Variants in PRODH observed in about 807,000 individuals in gnomAD.
PRODH encodes proline dehydrogenase 1, also known as proline dehydrogenase 1, mitochondrial.
For missense variants in PRODH, 3 were observed against 24.1 expected (o/e 0.12, Z 1.83); for synonymous variants, 3 against 10.4 (o/e 0.29, Z 1.37).
At chr22:18,933,696 G>A (rs1453106231) in intron 1 of PRODH, among the ~76,000 whole-genome samples, 1 of 132,128 alleles carries the variant, frequency 7.6e-6, no homozygotes, top group Non-Finnish European at 1.8e-5. Flanking sequence ...TAGAATTACA[G>A]GCATGAGCCA....
upstream of PRODH, chr22:18,936,510 GC>G (rs538153427): frequency 1.9e-3 from 30 of 15,874 alleles, no homozygotes; most frequent in African/African-American, 5.2e-3. Context: ...GCTTCTCAAA[GC>G]CTCTGCTCCT....
chr22:18,933,563 A>ACC (rs1193259522), intron 1 of PRODH, among the ~76,000 whole-genome samples: 2 of 118,936 alleles, frequency 1.7e-5, no homozygotes, highest in African/African-American at 5.8e-5. Context: ...GGCATGAGCC[A>ACC]CCGCACCTGG....
rs1297216622 is a variant in PRODH at position 18,918,071 on chromosome 22, G to C, written c.1427+245C>G. ...TGTTCATGCACATCTCTGGATCTAA[G>C]TGTCTGCAGGAGCAAGCTCAGGGAA... is the stretch of plus-strand genomic sequence containing the variant. On this transcript the variant is annotated intron_variant, in intron 11 of 13. Coordinates refer to ENST00000357068, the MANE Select transcript of PRODH (RefSeq NM_016335.6). Among the ~76,000 whole-genome samples the C allele has an allele frequency of 3.5e-5, 4 of 113,850 alleles. No homozygotes were observed. In the South Asian group the frequency reaches 1.1e-3, roughly 30 times the overall value. The allele number at this position is 113,850 out of a possible 152,430, so 74.7% of individuals were successfully genotyped here.
In PRODH at chr22:18,917,318, G is replaced by A. The variant is rs1244883054; in HGVS notation, c.1428-330C>T. ...GCCCATGAGCCTCATGACAGACACA[G>A]CTTTGCTTCTGGGGAGGGATCGTAC... On this transcript the variant is annotated intron_variant, in intron 11 of 13. Transcript: ENST00000357068. 5.5e-5 allele frequency among the ~76,000 whole-genome samples: 2 copies of A among 36,282 alleles called. 1 individual carries two copies. The highest frequency in any genetic ancestry group is 9.3e-5 in the African/African-American group (2 of 21,426). The allele number at this position is 36,282 out of a possible 152,430, so 23.8% of individuals were successfully genotyped here.
At chr22:18,929,510 A>C (rs899320029) in intron 2 of PRODH, among the ~76,000 whole-genome samples, 1 of 130,982 alleles carries the variant, frequency 7.6e-6, no homozygotes, top group Non-Finnish European at 1.8e-5. Flanking sequence ...CCCCACCCAG[A>C]CTCCTTCTGA....
intron 1 of PRODH, among the ~76,000 whole-genome samples, chr22:18,933,160 TTTTA>T (rs1224825503): frequency 3.4e-5 from 1 of 29,694 alleles, no homozygotes; most frequent in Non-Finnish European, 6.7e-5. Flanking sequence ...CTGGCAAGTT[TTTTA>T]TTTATTTATT....
rs555226347 is a variant in PRODH, at chr22:18,915,326, G to A, written c.1526+1564C>T. 33 of 37,846 alleles carry A rather than the reference G, an allele frequency of 8.7e-4. 8 individuals are homozygous for A. Among genetic ancestry groups the A allele is most frequent in the African/African-American group, 1.5e-3 (33 of 21,806 alleles). 2.3% of individuals were successfully genotyped at this position (37,846 alleles called of 1,614,324 possible). On this transcript the variant is annotated intron_variant, in intron 12 of 13. Coordinates refer to ENST00000357068, the MANE Select transcript of PRODH (RefSeq NM_016335.6). ...GCCCGGCTGCCACTCAGGGGAGGGG[G>A]AAGCTGTGTCCACTGGGGAAGCCAC...
chr22:18,914,692 C>T (rs967035471), intron 12 of PRODH: 1 of 2,036 alleles, frequency 4.9e-4, no homozygotes, highest in African/African-American at 7.4e-4. Context: ...GACTGCGGCT[C>T]CTCCCAGCAC....
chr22:18,933,284 CTT>C (rs752476710), intron 1 of PRODH, among the ~76,000 whole-genome samples: 18 of 99,430 alleles, frequency 1.8e-4, no homozygotes, highest in Non-Finnish European at 3.7e-4. Context: ...TTTATTTTTT[CTT>C]TTTTTTGAGG....
chr22:18,929,292 CCAG>C (rs1219954955), intron 2 of PRODH, among the ~76,000 whole-genome samples: 1 of 34,124 alleles, frequency 2.9e-5, no homozygotes, highest in Non-Finnish European at 7.7e-5. Context: ...ACAGCAGCCA[CCAG>C]CAGCAAGACA....
chr22:18,917,406 G>A lies in PRODH; in HGVS notation c.1428-418C>T, dbSNP rs904757589. 1.1e-4 allele frequency among the ~76,000 whole-genome samples: 4 copies of A among 34,978 alleles called. 2 individuals are homozygous for A. The highest frequency in any genetic ancestry group is 9.5e-4 in the Admixed American group (2 of 2,106). 22.9% of individuals were successfully genotyped at this position (34,978 alleles called of 152,430 possible). ...CAGGTCCCTGTAGGGCACAGTGGGG[G>A]TGGGCATCCCGGTGCACCAGGAAGC... On this transcript the variant is annotated intron_variant, in intron 11 of 13. Transcript: ENST00000357068.
intron 1 of PRODH, among the ~76,000 whole-genome samples, chr22:18,933,710 T>C (rs4819759): frequency 0.62 from 78,152 of 125,842 alleles, 29,764 homozygotes; most frequent in East Asian, 0.94. Flanking sequence ...TGAGCCACCA[T>C]GCCTAGGCAT....
chr22:18,933,378 C>A (rs1469845272), intron 1 of PRODH, among the ~76,000 whole-genome samples: 1 of 150,580 alleles, frequency 6.6e-6, no homozygotes, highest in Non-Finnish European at 1.5e-5. Context: ...CAGGTTCAAG[C>A]GATTCTCCCG....
At chr22:18,933,325 GA>G (rs1248878824) in intron 1 of PRODH, among the ~76,000 whole-genome samples, 1 of 141,706 alleles carries the variant, frequency 7.1e-6, no homozygotes, top group Non-Finnish European at 1.6e-5. Context: ...GCCCAGGCTG[GA>G]GTGCAGTAGC....
rs60647202 is a variant in PRODH, at chr22:18,917,098, C to G, written c.1428-110G>C. The G allele has an allele frequency of 6.2e-3, 753 of 120,902 alleles. 285 individuals carry two copies. The highest frequency in any genetic ancestry group is 0.019 in the African/African-American group (590 of 31,052). 7.5% of individuals were successfully genotyped at this position (120,902 alleles called of 1,614,324 possible). ...GGCAGACCCAGATCCATCCATTGAGCTGGCTCTTTCCAAGGGTATCCACAG... is the reference window on the plus strand; with the variant it reads ...GGCAGACCCAGATCCATCCATTGAGGTGGCTCTTTCCAAGGGTATCCACAG... On this transcript the variant is annotated intron_variant, in intron 11 of 13. Transcript: ENST00000357068.
At chr22:18,933,734 G>GT (rs2082002635) in intron 1 of PRODH, among the ~76,000 whole-genome samples, 2 of 132,962 alleles carry the variant, frequency 1.5e-5, no homozygotes, top group East Asian at 3.9e-4. Context: ...CCTAGGGCTT[G>GT]TAATTTTAAA....
chr22:18,917,848 A>G (rs145462448), intron 11 of PRODH, among the ~76,000 whole-genome samples: 2,029 of 31,020 alleles, frequency 0.065, 770 homozygotes, highest in African/African-American at 0.11. Context: ...CAACCAGGAG[A>G]CACTTGGGGT....
intron 11 of PRODH, 152 bp downstream of exon 11, chr22:18,918,164 G>T: frequency 8.4e-6 from 3 of 355,958 alleles, no homozygotes; most frequent in South Asian, 5.8e-5. Context: ...TAATGCTTTT[G>T]AAAAAGTAAC....
At position 18,918,043 on chromosome 22, in the gene PRODH, G is replaced by A. The variant is rs5747927; in HGVS notation, c.1427+273C>T. 0.046 allele frequency among the ~76,000 whole-genome samples: 4,758 copies of A among 102,394 alleles called. 466 individuals are homozygous for A. The highest frequency in any genetic ancestry group is 0.11 in the East Asian group (449 of 4,232). 67.2% of individuals were successfully genotyped at this position (102,394 alleles called of 152,430 possible). A position where few individuals can be genotyped will look rare whatever the true frequency, so the allele number is the denominator to read the frequency against. On this transcript the variant is annotated intron_variant, in intron 11 of 13. Transcript: ENST00000357068. ...CTGAGCCTGCAGGGTGGGGAGGACC[G>A]GGTGTTCATGCACATCTCTGGATCT...
Sources: allele counts gnomAD v4.1 joint callset (sites outside exome capture counted in the v4.1 genomes callset), GRCh38; gene constraint gnomAD v4.1.1; transcripts MANE v1.5; gene names NCBI Gene and HGNC (gene_info 2026-07-23, HGNC 2026-07-21).